Variants in DENND2C observed in about 807,000 individuals in gnomAD.
DENND2C encodes DENN domain containing 2C.
DENND2C carries 72 observed loss-of-function variants against 112.4 expected under a neutral mutation model. The ratio of observed to expected loss-of-function variants is 0.64; its 90% CI spans 0.53 to 0.78. DENND2C has a LOEUF of 0.78. DENND2C is among the 30% of genes least tolerant of loss of function. The pLI is 0.00. For synonymous variants in DENND2C, 329 were observed against 381.6 expected, an observed-to-expected ratio of 0.86 and a Z score of 1.61; for missense variants, 992 against 1,113.8, an observed-to-expected ratio of 0.89 and a Z score of 1.56.
intron 4 of DENND2C, 126 bp from the exon 5 acceptor site, chr1:114,623,769 T>C: frequency 1.1e-6 from 1 of 871,314 alleles, no homozygotes; most frequent in Non-Finnish European, 1.6e-6. Context: ...AGAATCTCAG[T>C]CTGTTGCATA....
chr1:114,591,267 C>T (rs888177516), intron 18 of DENND2C, among the ~76,000 whole-genome samples: 8 of 152,108 alleles, frequency 5.3e-5, no homozygotes, highest in Admixed American at 6.6e-5. Context: ...AGTGCCTGGA[C>T]AGATTTTTTA....
At chr1:114,651,114 T>TCAAAA (rs1292716496) in intron 2 of DENND2C, among the ~76,000 whole-genome samples, 2 of 148,244 alleles carry the variant, frequency 1.3e-5, no homozygotes, top group African/African-American at 2.5e-5. Context: ...AGACTCCATC[T>TCAAAA]CAAAACAAAA....
At chr1:114,641,211 T>C (rs7530191) in intron 3 of DENND2C, among the ~76,000 whole-genome samples, 129,543 of 148,028 alleles carry the variant, frequency 0.88, 57,162 homozygotes, top group African/African-American at 0.96. Flanking sequence ...GGTGGGAGAA[T>C]TGCTTGAGCC....
intron 17 of DENND2C, among the ~76,000 whole-genome samples, chr1:114,594,834 CTGTTA>C (rs1655299025): frequency 6.6e-6 from 1 of 152,158 alleles, no homozygotes; most frequent in South Asian, 2.1e-4. Flanking sequence ...TACAAGTCTT[CTGTTA>C]TATTATGAAG....
chr1:114,669,720 A>G (rs1465626520), intron 1 of DENND2C, among the ~76,000 whole-genome samples: 3 of 152,044 alleles, frequency 2.0e-5, no homozygotes, highest in African/African-American at 4.8e-5. Context: ...GGAGGTCTTC[A>G]GCCAGGCTCC....
chr1:114,646,705 AT>A (rs1207966404), intron 2 of DENND2C, among the ~76,000 whole-genome samples: 8 of 152,184 alleles, frequency 5.3e-5, no homozygotes, highest in African/African-American at 1.9e-4. Flanking sequence ...GAAAAGCTTA[AT>A]TTATTTTTAG....
chr1:114,602,120 C>T lies in DENND2C; in HGVS notation c.1737+5G>A, dbSNP rs752306814. ...CCCTGTCTGTAACACAAATCTGATACTTACCAAGAGCTTCTTACAGTAACC... is the reference window on the plus strand; with the variant it reads ...CCCTGTCTGTAACACAAATCTGATATTTACCAAGAGCTTCTTACAGTAACC... On this transcript the variant is annotated splice_donor_5th_base_variant and intron_variant, in intron 12 of 20. Coordinates refer to ENST00000393274, the MANE Select transcript of DENND2C (RefSeq NM_001256404.2). 1.3e-5 allele frequency: 21 copies of T among 1,613,638 alleles called. No homozygotes were observed. Among genetic ancestry groups the T allele is most frequent in the Non-Finnish European group, 1.7e-5 (20 of 1,179,820 alleles).
intron 1 of DENND2C, among the ~76,000 whole-genome samples, chr1:114,661,246 C>G (rs528075719): frequency 6.6e-6 from 1 of 152,252 alleles, no homozygotes; most frequent in Admixed American, 6.5e-5. Context: ...CTTGCAAGCA[C>G]TGCTGAAATG....
intron 8 of DENND2C, among the ~76,000 whole-genome samples, chr1:114,612,815 G>A (rs926376238): frequency 6.6e-6 from 1 of 152,062 alleles, no homozygotes; most frequent in Admixed American, 6.6e-5. Context: ...ACCGCACCCA[G>A]CCACCCAGCT....
intron 2 of DENND2C, among the ~76,000 whole-genome samples, chr1:114,651,270 T>TACAC (rs1260419712): frequency 4.0e-5 from 3 of 75,744 alleles, no homozygotes; most frequent in Admixed American, 2.8e-4. Flanking sequence ...AGACCTTCCC[T>TACAC]ACACATACAC....
Position 114,623,082 on chromosome 1 carries a change from G to C in DENND2C, c.961C>G (p.Pro321Ala). Residue 321 changes from proline (P) to alanine (A), a missense_variant, in exon 6 of 21, where the codon CCA becomes GCA. Transcript: ENST00000393274. ...EDIIYPTKEN[P>A]YEDIPVQPLP... ...GGCTGCACTGGAATATCTTCATATG[G>C]ATTTTCTTTGGTGGGATCTTAAAAA... 1.2e-6 allele frequency: 2 copies of C among 1,607,050 alleles called. No homozygotes were observed. The highest frequency in any genetic ancestry group is 1.7e-6 in the Non-Finnish European group (2 of 1,177,212).
At chr1:114,612,740 G>A (rs1655857144) in intron 8 of DENND2C, among the ~76,000 whole-genome samples, 1 of 152,100 alleles carries the variant, frequency 6.6e-6, no homozygotes, top group South Asian at 2.1e-4. Flanking sequence ...GGCTGGTCTT[G>A]AATTCCTGAC....
At chr1:114,618,266 G>A (rs1656055511) in intron 8 of DENND2C, 120 bp downstream of exon 8, 2 of 510,988 alleles carry the variant, frequency 3.9e-6, no homozygotes, top group Non-Finnish European at 6.5e-6. Flanking sequence ...GGGATTACAG[G>A]TGTGAGCCAC....
chr1:114,637,429 G>A (rs1036356465), intron 3 of DENND2C, among the ~76,000 whole-genome samples: 1 of 151,786 alleles, frequency 6.6e-6, no homozygotes, highest in Non-Finnish European at 1.5e-5. Context: ...TTCAAGATGT[G>A]TAGACTGAAA....
At chr1:114,623,440 T>C in intron 5 of DENND2C, 67 bp downstream of exon 5, 1 of 1,479,784 alleles carries the variant, frequency 6.8e-7, no homozygotes, top group Non-Finnish European at 9.3e-7. Flanking sequence ...GAAAATACCA[T>C]CCTACAATTA....
intron 1 of DENND2C, among the ~76,000 whole-genome samples, chr1:114,664,497 G>A (rs1285078367): frequency 1.3e-5 from 2 of 151,774 alleles, no homozygotes; most frequent in African/African-American, 2.4e-5. Context: ...ATTTTTTTGA[G>A]ATGGAGAGTT....
In DENND2C at chr1:114,625,615, T is replaced by C. The variant is rs368840242; in HGVS notation, c.370A>G (p.Ile124Val). Residue 124 changes from isoleucine (I) to valine (V), a missense_variant, in exon 4 of 21, where the codon ATT (isoleucine) becomes GTT (valine). Ile to Val is a conservative substitution (Grantham distance 29). Coordinates refer to ENST00000393274, the MANE Select transcript of DENND2C (RefSeq NM_001256404.2). ...SNWVCSRVKE[I>V]ESCKEDVLDP... is the part of the protein sequence containing the mutation. The stretch of plus-strand genomic sequence containing the variant: ...AAGACATCTTCTTTACAGCTTTCAA[T>C]TTCTTTGACCCGAGAACATACCCAG... The C allele has an allele frequency of 1.1e-4, 177 of 1,614,062 alleles. No individual in the cohort carries two copies. The highest frequency in any genetic ancestry group is 1.4e-4 in the Non-Finnish European group (160 of 1,180,020).
chr1:114,669,344 G>A (rs753974416), intron 1 of DENND2C, among the ~76,000 whole-genome samples: 7 of 152,124 alleles, frequency 4.6e-5, no homozygotes, highest in Non-Finnish European at 1.0e-4. Flanking sequence ...TAATTTGGCC[G>A]AGGTATCACA....
intron 9 of DENND2C, among the ~76,000 whole-genome samples, chr1:114,610,552 T>C (rs541355110): frequency 6.6e-6 from 1 of 152,076 alleles, no homozygotes; most frequent in East Asian, 1.9e-4. Context: ...ATACAAAAAT[T>C]AGCTTGGCGT....
Sources: allele counts gnomAD v4.1 joint callset (sites outside exome capture counted in the v4.1 genomes callset), GRCh38; gene constraint gnomAD v4.1.1; transcripts MANE v1.5; gene names NCBI Gene and HGNC (gene_info 2026-07-23, HGNC 2026-07-21).